ESR1: variants seen among roughly 807,000 people sequenced by gnomAD.
ESR1 encodes the protein estrogen receptor 1.
ESR1 carries 12 observed loss-of-function variants against 52.7 expected under a neutral mutation model. That is an observed-to-expected ratio of 0.23 (90% CI 0.15 to 0.37). The LOEUF is 0.37. ESR1 is among the 10% of genes least tolerant of loss of function. The probability of loss-of-function intolerance (pLI) is 1.00; values close to 1 mark genes in which losing one functional copy is unlikely to be tolerated. For missense variants in ESR1, 584 were observed against 779.7 expected (o/e 0.75, Z 2.99); for synonymous variants, 305 against 316.8 (o/e 0.96, Z 0.39).
chr6:152,059,409 G>A (rs992408500), intron 5 of ESR1, among the ~76,000 whole-genome samples: 2 of 151,842 alleles, frequency 1.3e-5, no homozygotes, highest in Non-Finnish European at 2.9e-5. Context: ...TCTATTAAAT[G>A]TTTTGCAGAA....
intron 1 of ESR1, 140 bp downstream of exon 1, chr6:151,808,504 G>A: frequency 1.5e-6 from 1 of 677,374 alleles, no homozygotes. Context: ...GGAGCCCGGG[G>A]CGCGCGGCCC....
chr6:151,858,850 A>G (rs1788368280), intron 2 of ESR1, among the ~76,000 whole-genome samples: 1 of 152,194 alleles, frequency 6.6e-6, no homozygotes, highest in East Asian at 1.9e-4. Context: ...TAAAGACTGA[A>G]TCATTTACCA....
intron 5 of ESR1, among the ~76,000 whole-genome samples, chr6:152,012,332 G>A (rs2042845646): frequency 6.6e-6 from 1 of 150,990 alleles, no homozygotes; most frequent in Admixed American, 6.6e-5. Flanking sequence ...GGTTGCCTTG[G>A]AATGTGGGTC....
intron 2 of ESR1, among the ~76,000 whole-genome samples, chr6:151,758,016 T>A (rs1310842594): frequency 6.6e-6 from 1 of 152,190 alleles, no homozygotes; most frequent in Non-Finnish European, 1.5e-5. Flanking sequence ...GCTTATACAA[T>A]TTTAGGAATG....
chr6:151,744,546 A>G (rs900032826), intron 2 of ESR1, among the ~76,000 whole-genome samples: 1 of 152,202 alleles, frequency 6.6e-6, no homozygotes, highest in Non-Finnish European at 1.5e-5. Flanking sequence ...ATTTTTTTCC[A>G]TTTAAAAATT....
At position 151,739,819 on chromosome 6, in the gene ESR1, C is replaced by T. The variant is rs1290468065; in HGVS notation, c.-71+37814C>T. 4.5e-4 allele frequency among the ~76,000 whole-genome samples: 69 copies of T among 152,180 alleles called. 1 individual carries two copies. The highest frequency in any genetic ancestry group is 4.5e-3 in the Admixed American group (69 of 15,280). On this transcript the variant is annotated intron_variant, in intron 2 of 2. Transcript: ENST00000404742. ...TCAGACAGAAGCCCCTTCTTTCATA[C>T]CTTTTAGTTGCATTTCTTAGCATTC... is the stretch of plus-strand genomic sequence containing the variant.
chr6:152,072,740 T>G (rs2048449557), intron 6 of ESR1, among the ~76,000 whole-genome samples: 1 of 152,230 alleles, frequency 6.6e-6, no homozygotes, highest in African/African-American at 2.4e-5. Flanking sequence ...TGCATGAATG[T>G]CAGGAGGGGA....
At chr6:151,938,078 C>T (rs2034586111) in intron 3 of ESR1, among the ~76,000 whole-genome samples, 1 of 152,122 alleles carries the variant, frequency 6.6e-6, no homozygotes, top group Non-Finnish European at 1.5e-5. Flanking sequence ...ATTTCTTTGT[C>T]TTGCCTTTTA....
At chr6:152,076,525 A>AT (rs1353725572) in intron 6 of ESR1, among the ~76,000 whole-genome samples, 1 of 152,210 alleles carries the variant, frequency 6.6e-6, no homozygotes, top group Non-Finnish European at 1.5e-5. Context: ...TTGGAACTGG[A>AT]TATCAGGGAG....
intron 4 of ESR1, 118 bp downstream of exon 4, chr6:151,944,626 G>A (rs1300288681): frequency 1.2e-6 from 1 of 862,938 alleles, no homozygotes; most frequent in Non-Finnish European, 1.9e-6. Context: ...TTGGTTTCAA[G>A]GTTACAGGAG....
chr6:152,087,929 C>G (rs528924933), intron 6 of ESR1, among the ~76,000 whole-genome samples: 1 of 152,288 alleles, frequency 6.6e-6, no homozygotes, highest in East Asian at 1.9e-4. Flanking sequence ...TCTTGTAAAA[C>G]TCCACGGGAG....
chr6:151,995,896 T>A (rs533740041), intron 4 of ESR1, among the ~76,000 whole-genome samples: 90 of 152,300 alleles, frequency 5.9e-4, no homozygotes, highest in Admixed American at 1.2e-3. Context: ...TGCTTTTTTG[T>A]TAAGCTCCAT....
At chr6:151,898,702 G>A (rs899459219) in intron 3 of ESR1, among the ~76,000 whole-genome samples, 1 of 152,170 alleles carries the variant, frequency 6.6e-6, no homozygotes, top group African/African-American at 2.4e-5. Context: ...GTTTCAGAGA[G>A]CACAGGGTTG....
intron 2 of ESR1, among the ~76,000 whole-genome samples, chr6:151,752,206 A>G (rs955175394): frequency 6.6e-6 from 1 of 152,226 alleles, no homozygotes; most frequent in Non-Finnish European, 1.5e-5. Flanking sequence ...ACCTGCAGTT[A>G]CTAGGAATTG....
intron 3 of ESR1, among the ~76,000 whole-genome samples, chr6:151,907,226 CT>C (rs1469968991): frequency 6.6e-6 from 1 of 151,966 alleles, no homozygotes; most frequent in Non-Finnish European, 1.5e-5. Flanking sequence ...GCTACTTTTG[CT>C]TTCAAATGAG....
chr6:151,904,882 A>G (rs1797207844), intron 3 of ESR1, among the ~76,000 whole-genome samples: 2 of 152,182 alleles, frequency 1.3e-5, no homozygotes, highest in African/African-American at 4.8e-5. Flanking sequence ...GAAAGTGCTC[A>G]TCTATATTTG....
At chr6:151,884,379 C>T (rs1245533488) in intron 3 of ESR1, among the ~76,000 whole-genome samples, 3 of 152,178 alleles carry the variant, frequency 2.0e-5, no homozygotes, top group African/African-American at 7.2e-5. Flanking sequence ...TGGCAAAGGC[C>T]AGCTGTGACT....
intron 5 of ESR1, among the ~76,000 whole-genome samples, chr6:152,056,630 C>T (rs2047129505): frequency 6.6e-6 from 1 of 152,162 alleles, no homozygotes; most frequent in African/African-American, 2.4e-5. Context: ...AATGCTCTGT[C>T]AAGTCTGGTT....
At chr6:151,740,632 A>C (rs938122578) in intron 2 of ESR1, among the ~76,000 whole-genome samples, 18 of 151,094 alleles carry the variant, frequency 1.2e-4, no homozygotes, top group African/African-American at 4.1e-4. Context: ...TTTTTGATCA[A>C]TTTTTTTTAC....
Sources: allele counts gnomAD v4.1 joint callset (sites outside exome capture counted in the v4.1 genomes callset), GRCh38; gene constraint gnomAD v4.1.1; transcripts MANE v1.5; gene names NCBI Gene and HGNC (gene_info 2026-07-23, HGNC 2026-07-21).